RGS6: variants seen among roughly 807,000 people sequenced by gnomAD.
RGS6 encodes the protein regulator of G-protein signaling 6.
A neutral mutation model predicts 78.5 loss-of-function variants in RGS6; 30 were observed. The ratio of observed to expected loss-of-function variants is 0.38; its 90% CI spans 0.29 to 0.52. The LOEUF is 0.52. RGS6 is among the 20% of genes least tolerant of loss of function. The pLI is 0.85. For synonymous variants in RGS6, 206 were observed against 206.0 expected, an observed-to-expected ratio of 1.00 and a Z score of 0.00; for missense variants, 495 against 609.7, an observed-to-expected ratio of 0.81 and a Z score of 1.98.
intron 1 of RGS6, among the ~76,000 whole-genome samples, chr14:71,937,140 C>T (rs1326633454): frequency 6.6e-6 from 1 of 152,180 alleles, no homozygotes; most frequent in Non-Finnish European, 1.5e-5. Flanking sequence ...TCTTGATAGT[C>T]CAGGTCAATC....
Position 72,194,286 on chromosome 14 carries a change from C to G in RGS6, c.85-157809C>G, listed in dbSNP as rs554709448. ...TACTTGTTGAATACCTATCATGAAC[C>G]TGCCCTTGTTCTGGGTGATGGCTAT... On this transcript the variant is annotated intron_variant, in intron 2 of 17. Coordinates refer to ENST00000553525, the MANE Select transcript of RGS6 (RefSeq NM_001204424.2). 6.6e-4 allele frequency among the ~76,000 whole-genome samples: 100 copies of G among 152,322 alleles called. 1 individual carries two copies. The highest frequency in any genetic ancestry group is 2.2e-3 in the African/African-American group (93 of 41,562).
intron 2 of RGS6, among the ~76,000 whole-genome samples, chr14:72,091,683 C>T (rs532053001): frequency 3.3e-5 from 5 of 152,202 alleles, no homozygotes; most frequent in South Asian, 2.1e-4. Flanking sequence ...GTAAGCAGAA[C>T]GGAGAAGCTG....
chr14:72,505,940 C>T (rs969904978), intron 13 of RGS6, among the ~76,000 whole-genome samples: 1 of 152,158 alleles, frequency 6.6e-6, no homozygotes, highest in African/African-American at 2.4e-5. Flanking sequence ...GCTGGGGGAT[C>T]AGCAGAAATG....
At chr14:72,205,445 T>G (rs1254117551) in intron 2 of RGS6, among the ~76,000 whole-genome samples, 1 of 152,188 alleles carries the variant, frequency 6.6e-6, no homozygotes, top group Non-Finnish European at 1.5e-5. Flanking sequence ...TTTTTCAAAA[T>G]GGTAGTATCT....
chr14:72,611,999 T>A, the RGS6 span, among the ~76,000 whole-genome samples: 115 of 152,312 alleles, frequency 7.6e-4, no homozygotes, highest in African/African-American at 2.5e-3. Context: ...TGCGGTTTAT[T>A]TTCCAGCCCC....
chr14:72,216,262 G>A (rs1411632817), intron 2 of RGS6, among the ~76,000 whole-genome samples: 1 of 152,196 alleles, frequency 6.6e-6, no homozygotes, highest in African/African-American at 2.4e-5. Flanking sequence ...CCAGAGCAGG[G>A]TATAGCCTTT....
intron 3 of RGS6, among the ~76,000 whole-genome samples, chr14:72,379,759 A>G (rs1356212201): frequency 2.0e-5 from 3 of 152,098 alleles, no homozygotes; most frequent in Non-Finnish European, 4.4e-5. Flanking sequence ...AAAACAAACT[A>G]TGGATTCAAT....
intron 2 of RGS6, among the ~76,000 whole-genome samples, chr14:72,323,774 C>T (rs2072823065): frequency 9.0e-6 from 1 of 110,804 alleles, no homozygotes; most frequent in Non-Finnish European, 1.7e-5. Context: ...GCACTCCAGC[C>T]TGGGTGACAG....
intron 2 of RGS6, among the ~76,000 whole-genome samples, chr14:71,970,470 C>G (rs968842011): frequency 5.9e-5 from 9 of 152,126 alleles, no homozygotes; most frequent in African/African-American, 2.2e-4. Flanking sequence ...AAATGTCACA[C>G]TATTTTAGTT....
the RGS6 span, chr14:72,612,700 T>C: frequency 5.1e-5 from 24 of 469,888 alleles, no homozygotes; most frequent in Non-Finnish European, 7.3e-5. Flanking sequence ...CATAAAAGCT[T>C]TGCATCCCTT....
At chr14:72,304,926 T>C (rs2066901339) in intron 2 of RGS6, among the ~76,000 whole-genome samples, 1 of 152,170 alleles carries the variant, frequency 6.6e-6, no homozygotes, top group African/African-American at 2.4e-5. Flanking sequence ...TTGCTTTTCA[T>C]AGAATGTGTA....
chr14:72,330,504 T>C (rs1299201062), intron 2 of RGS6, among the ~76,000 whole-genome samples: 1 of 152,102 alleles, frequency 6.6e-6, no homozygotes, highest in Non-Finnish European at 1.5e-5. Flanking sequence ...ACCCTCTTAC[T>C]GAATACCCAC....
chr14:71,980,395 G>A (rs1467391599), intron 2 of RGS6, among the ~76,000 whole-genome samples: 1 of 151,332 alleles, frequency 6.6e-6, no homozygotes, highest in East Asian at 1.9e-4. Context: ...TGCAGCGGCT[G>A]GTACCGGTTG....
At chr14:72,008,681 G>T (rs4048388) in intron 2 of RGS6, among the ~76,000 whole-genome samples, 5 of 152,028 alleles carry the variant, frequency 3.3e-5, no homozygotes, top group African/African-American at 9.7e-5. Context: ...CATAAGTTGA[G>T]GACATTCAGG....
At chr14:72,258,940 G>T (rs1187339438) in intron 2 of RGS6, among the ~76,000 whole-genome samples, 2 of 152,140 alleles carry the variant, frequency 1.3e-5, no homozygotes, top group Non-Finnish European at 2.9e-5. Flanking sequence ...TAGCAGCCAA[G>T]GAGAAAATGG....
At chr14:72,478,779 A>G (rs1400484099) in intron 12 of RGS6, among the ~76,000 whole-genome samples, 1 of 152,200 alleles carries the variant, frequency 6.6e-6, no homozygotes, top group East Asian at 1.9e-4. Flanking sequence ...TCCACACGCC[A>G]TCAACCACTG....
At chr14:72,444,422 G>A (rs1206878237) in intron 3 of RGS6, among the ~76,000 whole-genome samples, 4 of 152,184 alleles carry the variant, frequency 2.6e-5, no homozygotes, top group East Asian at 1.9e-4. Context: ...GGGCTTCCCC[G>A]CAGCTGATTG....
chr14:72,231,341 G>C (rs1300489710), intron 2 of RGS6, among the ~76,000 whole-genome samples: 2 of 152,232 alleles, frequency 1.3e-5, no homozygotes, highest in African/African-American at 4.8e-5. Context: ...CATAAAGTCA[G>C]AGTGGATTTA....
At chr14:72,515,659 C>T (rs899971963) in intron 14 of RGS6, 2 of 152,258 alleles carry the variant, frequency 1.3e-5, no homozygotes, top group African/African-American at 4.8e-5. Flanking sequence ...GATCATGACC[C>T]TGTCTCAAAA....
Sources: allele counts gnomAD v4.1 joint callset (sites outside exome capture counted in the v4.1 genomes callset), GRCh38; gene constraint gnomAD v4.1.1; transcripts MANE v1.5; gene names NCBI Gene and HGNC (gene_info 2026-07-23, HGNC 2026-07-21).